The following GABRB1 variants were observed in gnomAD, a reference collection of about 807,000 sequenced individuals.
GABRB1 encodes gamma-aminobutyric acid receptor subunit beta-1.
In GABRB1, 17 loss-of-function variants were observed where a neutral mutation model predicts 51.6. That is an observed-to-expected ratio of 0.33 (90% CI 0.23 to 0.49). The LOEUF is 0.49. Among genes scored for constraint, GABRB1 ranks in the 20% least tolerant of loss-of-function variants. The pLI, the probability that GABRB1 is intolerant of heterozygous loss-of-function variation, is 0.99. For missense variants in GABRB1, 410 were observed against 600.6 expected, an observed-to-expected ratio of 0.68 and a Z score of 3.32; for synonymous variants, 247 against 218.9, an observed-to-expected ratio of 1.13 and a Z score of -1.14.
intron 5 of GABRB1, among the ~76,000 whole-genome samples, chr4:47,357,288 T>C (rs1237163627): frequency 6.6e-6 from 1 of 152,066 alleles, no homozygotes; most frequent in Non-Finnish European, 1.5e-5. Context: ...TGGTTAAAAG[T>C]GACACAGAGA....
chr4:47,247,894 G>GC (rs1308655361), intron 4 of GABRB1, among the ~76,000 whole-genome samples: 9 of 151,978 alleles, frequency 5.9e-5, no homozygotes, highest in African/African-American at 2.2e-4. Flanking sequence ...TCTTTTATCA[G>GC]TTCTTGGAGC....
intron 5 of GABRB1, among the ~76,000 whole-genome samples, chr4:47,397,619 T>C (rs1728221585): frequency 6.6e-6 from 1 of 152,050 alleles, no homozygotes; most frequent in African/African-American, 2.4e-5. Flanking sequence ...CAGGCTGGAG[T>C]GCAGTGGTGA....
intron 4 of GABRB1, among the ~76,000 whole-genome samples, chr4:47,313,855 T>C (rs2109955940): frequency 6.6e-6 from 1 of 152,208 alleles, no homozygotes; most frequent in East Asian, 1.9e-4. Context: ...CATATTTGTA[T>C]TTGTGTATTA....
At chr4:47,314,572 G>A (rs1028048241) in intron 4 of GABRB1, among the ~76,000 whole-genome samples, 1 of 151,810 alleles carries the variant, frequency 6.6e-6, no homozygotes, top group Non-Finnish European at 1.5e-5. Flanking sequence ...TATCCCTAAG[G>A]CTTTTTCTTT....
intron 5 of GABRB1, among the ~76,000 whole-genome samples, chr4:47,356,669 G>C (rs930049600): frequency 7.2e-5 from 11 of 152,120 alleles, no homozygotes; most frequent in Admixed American, 5.2e-4. Flanking sequence ...AACCTTAATA[G>C]AAATGGCTTG....
intron 3 of GABRB1, among the ~76,000 whole-genome samples, chr4:47,074,968 T>G (rs1280120035): frequency 6.6e-6 from 1 of 152,194 alleles, no homozygotes; most frequent in African/African-American, 2.4e-5. Context: ...CCTTCCTCTC[T>G]TGCCAAGGTA....
At chr4:47,196,867 T>C (rs563300546) in intron 4 of GABRB1, among the ~76,000 whole-genome samples, 141 of 152,366 alleles carry the variant, frequency 9.3e-4, no homozygotes, top group Non-Finnish European at 1.3e-3. Flanking sequence ...GAGCACTCTG[T>C]AGAGCAGTCC....
intron 5 of GABRB1, among the ~76,000 whole-genome samples, chr4:47,364,056 A>T (rs1726894463): frequency 6.6e-6 from 1 of 152,202 alleles, no homozygotes; most frequent in African/African-American, 2.4e-5. Flanking sequence ...TGATCGCTGG[A>T]GATAGAAATG....
intron 3 of GABRB1, chr4:47,033,140 A>G: frequency 5.3e-6 from 1 of 188,480 alleles, no homozygotes; most frequent in Non-Finnish European, 1.1e-5. Flanking sequence ...GTTGAAACAG[A>G]ATAAATCAAG....
chr4:47,296,889 C>T (rs150222018), intron 4 of GABRB1, among the ~76,000 whole-genome samples: 3,291 of 152,218 alleles, frequency 0.022, 37 homozygotes, highest in South Asian at 0.043. Flanking sequence ...CGTAAAAGAA[C>T]GGAAATTATA....
At chr4:47,272,504 A>T (rs1243372109) in intron 4 of GABRB1, among the ~76,000 whole-genome samples, 1 of 152,160 alleles carries the variant, frequency 6.6e-6, no homozygotes, top group Non-Finnish European at 1.5e-5. Flanking sequence ...ATTATTTGTT[A>T]TACTTTATGG....
chr4:47,398,211 T>C (rs1027769601), intron 5 of GABRB1, among the ~76,000 whole-genome samples: 1 of 152,226 alleles, frequency 6.6e-6, no homozygotes, highest in Non-Finnish European at 1.5e-5. Context: ...AAGTTATCAA[T>C]TTCTGTATAG....
rs538145450 is a variant in GABRB1, at chr4:47,005,934, G to A, written c.-20+12008G>A. Among the ~76,000 whole-genome samples the A allele has an allele frequency of 2.0e-5, 3 of 147,690 alleles. No individual in the cohort carries two copies. The East Asian group carries it at 6.1e-4, about 30-fold the overall frequency. On this transcript the variant is annotated intron_variant, in intron 1 of 3. Transcript: ENST00000513567. ...TTCCTCCCTTCTTTCATTTCTTCCT[G>A]TACTTATTTTTTTATTTACTTAAAA...
At position 47,163,076 on chromosome 4, in the gene GABRB1, T is replaced by C. The variant is rs536600295; in HGVS notation, c.461+1607T>C. ...GGTATAGCAGAGAAAGTATGACATCTAGTGTCAGAGGACCAAGGTTGGGCA... is the reference window on the plus strand; with the variant it reads ...GGTATAGCAGAGAAAGTATGACATCCAGTGTCAGAGGACCAAGGTTGGGCA... On this transcript the variant is annotated intron_variant, in intron 4 of 8. Transcript: ENST00000295454. Among the ~76,000 whole-genome samples, 10 of 152,168 alleles carry C rather than the reference T, an allele frequency of 6.6e-5. 1 individual carries two copies. The East Asian group carries it at 1.9e-3, about 29-fold the overall frequency.
At chr4:47,005,039 AG>A in intron 1 of GABRB1, among the ~76,000 whole-genome samples, 1 of 152,254 alleles carries the variant, frequency 6.6e-6, no homozygotes, top group African/African-American at 2.4e-5. Context: ...GAGTGGGCCT[AG>A]GGGGAGGCCA....
chr4:47,287,037 G>T (rs2078610), intron 4 of GABRB1, among the ~76,000 whole-genome samples: 100,860 of 151,946 alleles, frequency 0.66, 33,937 homozygotes, highest in East Asian at 0.97. Flanking sequence ...TCCCTACACC[G>T]CATTGGCCCA....
At chr4:47,323,464 T>C (rs1156348347) in intron 5 of GABRB1, among the ~76,000 whole-genome samples, 2 of 103,030 alleles carry the variant, frequency 1.9e-5, no homozygotes, top group African/African-American at 6.7e-5. Flanking sequence ...GAATAGATTA[T>C]TCATGTATTT....
rs763512861 is a variant in GABRB1 at position 47,144,022 on chromosome 4, T to C, written c.241-17227T>C. ...TACTTTTCATTGATGGTATTTGATA[T>C]GTATTTGTTGTTTCTCCTTAACCAC... On this transcript the variant is annotated intron_variant, in intron 3 of 8. Transcript: ENST00000295454. Among the ~76,000 whole-genome samples the C allele has an allele frequency of 2.2e-4, 34 of 151,982 alleles. 1 individual carries two copies. The highest frequency in any genetic ancestry group is 1.0e-4 in the Non-Finnish European group (7 of 67,932).
chr4:47,245,601 T>G (rs1185078805), intron 4 of GABRB1, among the ~76,000 whole-genome samples: 1 of 152,078 alleles, frequency 6.6e-6, no homozygotes, highest in Non-Finnish European at 1.5e-5. Flanking sequence ...GTCAACAATA[T>G]GGCACTGCTC....
Sources: gnomAD v4.1 joint callset for allele counts (sites outside exome capture counted in the v4.1 genomes callset) on GRCh38, gnomAD v4.1.1 for gene constraint, MANE v1.5 for transcripts, NCBI Gene and HGNC (gene_info 2026-07-23, HGNC 2026-07-21) for gene names.